GON4L: variants seen among roughly 807,000 people sequenced by gnomAD.
GON4L encodes the protein gon-4 like, also known as GON-4-like protein.
A neutral mutation model predicts 211.8 loss-of-function variants in GON4L; 87 were observed. The observed-to-expected ratio is 0.41, with a 90% CI of 0.35 to 0.49. GON4L has a LOEUF of 0.49. Among genes scored for constraint, GON4L ranks in the 20% least tolerant of loss-of-function variants. GON4L has a pLI of 0.15. For synonymous variants in GON4L, 875 were observed against 962.6 expected (o/e 0.91, Z 1.68); for missense variants, 2,155 against 2,659.5 (o/e 0.81, Z 4.17).
At chr1:155,747,742 CG>C, downstream of GON4L, 1 of 1,608,038 alleles carries the variant, frequency 6.2e-7, no homozygotes, top group East Asian at 2.2e-5. Context: ...AACTATCTTT[CG>C]TCACTCACCC....
chr1:155,793,617 A>AT (rs538267329), intron 12 of GON4L, among the ~76,000 whole-genome samples: 5 of 151,602 alleles, frequency 3.3e-5, no homozygotes, highest in African/African-American at 4.8e-5. Context: ...CAATGATATA[A>AT]TTTTTTTTTG....
chr1:155,857,869 C>T (rs1305039936), upstream of GON4L, among the ~76,000 whole-genome samples: 1 of 152,122 alleles, frequency 6.6e-6, no homozygotes, highest in African/African-American at 2.4e-5. Flanking sequence ...AAAACTAAGG[C>T]ACTCTTGGAC....
At chr1:155,788,654 T>C (rs1376745102) in intron 12 of GON4L, among the ~76,000 whole-genome samples, 2 of 151,948 alleles carry the variant, frequency 1.3e-5, no homozygotes, top group Admixed American at 6.6e-5. Flanking sequence ...TACTCAACAA[T>C]ATAAGGGAAC....
chr1:155,855,702 G>A (rs1484264626), intron 1 of GON4L, among the ~76,000 whole-genome samples: 1 of 152,132 alleles, frequency 6.6e-6, no homozygotes, highest in East Asian at 1.9e-4. Context: ...ACTGATAGTG[G>A]CTTGGTGCAG....
At chr1:155,817,647 C>T (rs966308696) in intron 6 of GON4L, among the ~76,000 whole-genome samples, 1 of 152,232 alleles carries the variant, frequency 6.6e-6, no homozygotes, top group Non-Finnish European at 1.5e-5. Flanking sequence ...AGTATAGCGG[C>T]TCATGCCTGT....
chr1:155,792,302 T>C (rs907970017), intron 12 of GON4L, among the ~76,000 whole-genome samples: 12 of 152,044 alleles, frequency 7.9e-5, no homozygotes, highest in African/African-American at 2.9e-4. Context: ...TATAATCAAA[T>C]ATGACAATGA....
At chr1:155,789,732 T>G (rs1665329405) in intron 12 of GON4L, among the ~76,000 whole-genome samples, 2 of 152,076 alleles carry the variant, frequency 1.3e-5, no homozygotes, top group South Asian at 4.1e-4. Context: ...AAGTCATCCC[T>G]CAGTATCTGT....
In GON4L at chr1:155,763,394, T is replaced by C. The variant is rs1350509021; in HGVS notation, c.4644A>G (p.Ala1548=). The C allele has an allele frequency of 9.3e-6, 15 of 1,608,732 alleles. No homozygotes were observed. In the Admixed American group the frequency reaches 1.2e-4, roughly 13 times the overall value. The change falls in exon 22 of 32, where the codon GCA becomes GCG. Residue 1548 remains alanine (A), a synonymous_variant. Coordinates refer to ENST00000368331, the MANE Select transcript of GON4L (RefSeq NM_001282860.2). The part of the protein sequence containing the change: ...LQKEDEMTDE[A]VGDSAEKPPT... ...GAGGCTTCTCAGCAGAGTCTCCAAC[T>C]GCTTCATCCGTCATTTCATCCTCTT... is the stretch of plus-strand genomic sequence containing the variant.
intron 13 of GON4L, 118 bp from the exon 14 acceptor site, chr1:155,784,207 G>C (rs1320344446): frequency 1.0e-5 from 14 of 1,374,532 alleles, no homozygotes; most frequent in Non-Finnish European, 1.4e-5. Context: ...CTGGCACCCA[G>C]AAAGAGCCAA....
intron 10 of GON4L, among the ~76,000 whole-genome samples, chr1:155,806,957 G>A (rs138817874): frequency 1.6e-3 from 239 of 152,108 alleles, no homozygotes; most frequent in Non-Finnish European, 2.7e-3. Context: ...CAAATTAGTT[G>A]CGTGTGGTGG....
intron 4 of GON4L, 37 bp downstream of exon 4, chr1:155,822,249 T>G (rs1414875869): frequency 2.0e-6 from 3 of 1,517,508 alleles, no homozygotes; most frequent in Non-Finnish European, 2.7e-6. Context: ...ATGAAAAAGT[T>G]CCCTTCCATT....
At chr1:155,845,746 G>T in intron 2 of GON4L, 2 of 271,346 alleles carry the variant, frequency 7.4e-6, no homozygotes. Flanking sequence ...CTAGTGACAT[G>T]AAGCCAAAGG....
chr1:155,794,896 C>T (rs947881006), intron 12 of GON4L, among the ~76,000 whole-genome samples, 154 bp downstream of exon 12: 2 of 152,244 alleles, frequency 1.3e-5, no homozygotes, highest in East Asian at 3.9e-4. Context: ...TGAATATGTA[C>T]CTAAATTTAA....
chr1:155,759,556 A>G (rs1030922790), intron 24 of GON4L, among the ~76,000 whole-genome samples: 2 of 151,970 alleles, frequency 1.3e-5, no homozygotes, highest in African/African-American at 2.4e-5. Context: ...CCTGGGCAAC[A>G]AGAGTGAAAC....
At chr1:155,755,521 T>C (rs1221514700) in intron 27 of GON4L, among the ~76,000 whole-genome samples, 1 of 152,088 alleles carries the variant, frequency 6.6e-6, no homozygotes, top group Non-Finnish European at 1.5e-5. Context: ...CCCATCCTCT[T>C]TTATGTATCA....
intron 31 of GON4L, 60 bp from the exon 32 acceptor site, chr1:155,750,793 T>C: frequency 1.3e-6 from 2 of 1,506,232 alleles, no homozygotes; most frequent in East Asian, 2.5e-5. Context: ...AGACGGAGTC[T>C]CTCTCTGTTG....
chr1:155,758,432 A>G (rs947387811), intron 24 of GON4L, among the ~76,000 whole-genome samples: 8 of 152,238 alleles, frequency 5.3e-5, no homozygotes, highest in African/African-American at 1.9e-4. Flanking sequence ...GCTTAAGGCC[A>G]GGAGTTCAAG....
intron 26 of GON4L, 27 bp from the exon 27 acceptor site, chr1:155,757,104 A>G: frequency 6.2e-7 from 1 of 1,613,952 alleles, no homozygotes; most frequent in Non-Finnish European, 8.5e-7. Context: ...GCTGCTGAGC[A>G]CAGACACCAG....
At position 155,822,429 on chromosome 1, in the gene GON4L, C is replaced by T; in HGVS notation, c.745G>A (p.Gly249Ser). ...CTTCCATCTCGTTTCCTCTTGGTAC[C>T]CTTTTTCTTTTTTCTCCTTTTCTCA... Reference protein sequence around the residue: ...ESEKRRKKKKGTKRKRDGRGQ... With the variant: ...ESEKRRKKKKSTKRKRDGRGQ... The change falls in exon 4 of 32, where the codon GGT becomes AGT. Residue 249 changes from glycine (G) to serine (S), a missense_variant. Transcript: ENST00000368331. The T allele has an allele frequency of 6.2e-7, 1 of 1,613,884 alleles. No individual in the cohort carries two copies. The highest frequency in any genetic ancestry group is 8.5e-7 in the Non-Finnish European group (1 of 1,179,830).
Sources: gnomAD v4.1 joint callset for allele counts (sites outside exome capture counted in the v4.1 genomes callset) on GRCh38, gnomAD v4.1.1 for gene constraint, MANE v1.5 for transcripts, NCBI Gene and HGNC (gene_info 2026-07-23, HGNC 2026-07-21) for gene names.